The following TRIM63 variants were observed in gnomAD, a reference collection of about 807,000 sequenced individuals.
TRIM63 encodes E3 ubiquitin-protein ligase TRIM63.
In TRIM63, 48 loss-of-function variants were observed where a neutral mutation model predicts 46.0. The observed-to-expected ratio is 1.04, with a 90% CI of 0.83 to 1.33. The LOEUF (loss-of-function observed/expected upper bound fraction) is 1.33, where lower values mean the gene tolerates loss of function less well. Ranked by LOEUF, TRIM63 falls within the 40% of genes most tolerant of loss-of-function variation. The pLI, the probability that TRIM63 is intolerant of heterozygous loss-of-function variation, is 0.00. For missense variants in TRIM63, 455 were observed against 441.2 expected (o/e 1.03, Z -0.28); for synonymous variants, 175 against 162.8 (o/e 1.08, Z -0.57).
rs2050690250 is a variant in TRIM63, at chr1:26,067,587, C to T, written c.-93G>A. 2.8e-6 allele frequency: 4 copies of T among 1,425,498 alleles called. No individual in the cohort carries two copies. The highest frequency in any genetic ancestry group is 1.3e-5 in the South Asian group (1 of 74,770). The allele number at this position is 1,425,498 out of a possible 1,614,324, so 88.3% of individuals were successfully genotyped here. On this transcript the variant is annotated 5_prime_UTR_variant, in exon 1 of 9. Coordinates refer to ENST00000374272, the MANE Select transcript of TRIM63 (RefSeq NM_032588.4). The stretch of plus-strand genomic sequence containing the variant: ...GGGTCTTGCCTTTGTCACAAAACAC[C>T]GGGTCGGATCCTGTTGGCTTCCTTC...
Position 26,066,349 on chromosome 1 carries a change from A to T in TRIM63, c.251T>A (p.Met84Lys), listed in dbSNP as rs1459819996. The T allele has an allele frequency of 6.2e-7, 1 of 1,614,072 alleles. No homozygotes were observed. Among genetic ancestry groups the T allele is most frequent in the Non-Finnish European group, 8.5e-7 (1 of 1,179,950 alleles). Residue 84 changes from methionine to lysine, a missense_variant, in exon 2 of 9, where the codon ATG becomes AAG. Coordinates refer to ENST00000374272, the MANE Select transcript of TRIM63 (RefSeq NM_032588.4). ...CAGGCCGTACACTCCGTGACGATCCATGATCACCTCGTGGCGGCAGGTGGG... is the reference window on the plus strand; with the variant it reads ...CAGGCCGTACACTCCGTGACGATCCTTGATCACCTCGTGGCGGCAGGTGGG... ...RCPTCRHEVIMDRHGVYGLQR... is the reference protein window; with the variant it reads ...RCPTCRHEVIKDRHGVYGLQR...
At chr1:26,065,590 A>G (rs945421062) in intron 2 of TRIM63, among the ~76,000 whole-genome samples, 2 of 152,138 alleles carry the variant, frequency 1.3e-5, no homozygotes, top group Non-Finnish European at 2.9e-5. Context: ...TATGGGCATG[A>G]GCCACCATGC....
chr1:26,054,073 C>T (rs1477154280), intron 7 of TRIM63, 109 bp from the exon 8 acceptor site: 5 of 711,182 alleles, frequency 7.0e-6, no homozygotes, highest in East Asian at 6.0e-5. Context: ...TGTGCCCAGT[C>T]GGGTCAAACG....
intron 2 of TRIM63, among the ~76,000 whole-genome samples, chr1:26,064,978 T>C (rs2050663457): frequency 6.6e-6 from 1 of 152,190 alleles, no homozygotes; most frequent in Middle Eastern, 3.2e-3. Context: ...AGATCTTTCC[T>C]GGAGCTGTGT....
intron 5 of TRIM63, among the ~76,000 whole-genome samples, 158 bp from the exon 6 acceptor site, chr1:26,057,808 C>A (rs1014101521): frequency 1.3e-5 from 2 of 152,176 alleles, no homozygotes; most frequent in East Asian, 3.9e-4. Context: ...GAATCTGGAA[C>A]TTTTCCCTCT....
At chr1:26,064,077 C>A (rs1012422615) in intron 2 of TRIM63, among the ~76,000 whole-genome samples, 8 of 152,214 alleles carry the variant, frequency 5.3e-5, no homozygotes, top group African/African-American at 1.9e-4. Context: ...GGGCGCATTA[C>A]CTGAGGTCAG....
At chr1:26,057,370 GC>G (rs752188643) in intron 6 of TRIM63, 43 bp from the exon 7 acceptor site, 3 of 1,609,814 alleles carry the variant, frequency 1.9e-6, no homozygotes, top group Non-Finnish European at 2.5e-6. Flanking sequence ...GGTCTCTGGG[GC>G]TCAGTGCAGG....
intron 2 of TRIM63, among the ~76,000 whole-genome samples, chr1:26,061,761 G>T (rs937064998): frequency 1.3e-5 from 2 of 152,218 alleles, no homozygotes; most frequent in African/African-American, 4.8e-5. Flanking sequence ...CTAGAGTTCA[G>T]TTGCTCTAAT....
chr1:26,058,741 C>T, intron 4 of TRIM63, 118 bp from the exon 5 acceptor site: 1 of 756,638 alleles, frequency 1.3e-6, no homozygotes, highest in South Asian at 1.7e-5. Context: ...CTACATACAT[C>T]CCCACACTAC....
At chr1:26,067,192 A>T in intron 1 of TRIM63, 144 bp downstream of exon 1, 4 of 1,017,762 alleles carry the variant, frequency 3.9e-6, no homozygotes, top group Non-Finnish European at 4.2e-6. Flanking sequence ...GCCCCCTCTC[A>T]GCCCTGTCCA....
At chr1:26,057,413 G>A (rs2050583204) in intron 6 of TRIM63, 86 bp from the exon 7 acceptor site, 3 of 1,545,168 alleles carry the variant, frequency 1.9e-6, no homozygotes, top group Non-Finnish European at 1.8e-6. Flanking sequence ...CCACGCCCAG[G>A]CCTTCTACCC....
chr1:26,057,412 G>A lies in TRIM63; in HGVS notation c.855-85C>T. The A allele has an allele frequency of 1.9e-6, 3 of 1,548,338 alleles. No individual in the cohort carries two copies. The South Asian group carries it at 3.6e-5, about 19-fold the overall frequency. ...GAGGGCACATGCTTTGCCACGCCCA[G>A]GCCTTCTACCCAGAGGCTCCCCTGG... On this transcript the variant is annotated intron_variant, in intron 6 of 8. Transcript: ENST00000374272.
chr1:26,055,480 G>A (rs942798836), intron 7 of TRIM63, among the ~76,000 whole-genome samples: 4 of 151,450 alleles, frequency 2.6e-5, no homozygotes, highest in African/African-American at 4.9e-5. Flanking sequence ...TGTTCACACC[G>A]TATGACCCAC....
intron 6 of TRIM63, 121 bp downstream of exon 6, chr1:26,057,507 C>G (rs1437216524): frequency 7.1e-7 from 1 of 1,407,788 alleles, no homozygotes; most frequent in Non-Finnish European, 9.6e-7. Flanking sequence ...TGCAAAGGGT[C>G]AGGGAAGCCA....
At position 26,058,379 on chromosome 1, in the gene TRIM63, G is replaced by T; in HGVS notation, c.831+11C>A. On this transcript the variant is annotated intron_variant, in intron 5 of 8. Coordinates refer to ENST00000374272, the MANE Select transcript of TRIM63 (RefSeq NM_032588.4). ...AACTGACCCCACCCAGACCCTTCTA[G>T]TCCTGCTCACCAAGAGGAAGGTGGC... 5 of 1,612,252 alleles carry T rather than the reference G, an allele frequency of 3.1e-6. No homozygotes were observed. Among genetic ancestry groups the T allele is most frequent in the Non-Finnish European group, 4.2e-6 (5 of 1,178,666 alleles).
Position 26,058,464 on chromosome 1 carries a change from G to C in TRIM63, c.757C>G (p.Leu253Val), listed in dbSNP as rs1445670499. Residue 253 changes from leucine (L) to valine (V), a missense_variant, in exon 5 of 9, where the codon CTG becomes GTG. Transcript: ENST00000374272. ...TCCACCAGCTTTGTGGACTTGTCCA[G>C]CTGCTCCTGGTACTGCTGGATGAGG... is the stretch of plus-strand genomic sequence containing the variant. ...EALIQQYQEQLDKSTKLVETA... is the reference protein window; with the variant it reads ...EALIQQYQEQVDKSTKLVETA... 6.2e-7 allele frequency: 1 copy of C among 1,614,206 alleles called. No individual in the cohort carries two copies. The highest frequency in any genetic ancestry group is 2.2e-5 in the East Asian group (1 of 44,884).
In TRIM63 at chr1:26,057,194, C is replaced by A. The variant is rs1210716946; in HGVS notation, c.979+9G>T. ...GCAAATAGACAAGTGGCATCACCAC[C>A]TCCTTTACCTGTCCCAAAGTCAATG... On this transcript the variant is annotated intron_variant, in intron 7 of 8. Transcript: ENST00000374272. 6.2e-7 allele frequency: 1 copy of A among 1,613,840 alleles called. No homozygotes were observed. Among genetic ancestry groups the A allele is most frequent in the African/African-American group, 1.3e-5 (1 of 74,928 alleles).
intron 2 of TRIM63, among the ~76,000 whole-genome samples, chr1:26,065,451 G>A (rs934708903): frequency 1.3e-5 from 2 of 152,188 alleles, no homozygotes; most frequent in African/African-American, 4.8e-5. Context: ...TGGGACTACA[G>A]GCATGCCCCA....
At chr1:26,060,705 G>A (rs535373536) in intron 3 of TRIM63, among the ~76,000 whole-genome samples, 5 of 152,244 alleles carry the variant, frequency 3.3e-5, no homozygotes, top group Non-Finnish European at 7.3e-5. Flanking sequence ...GAAGAGTGGG[G>A]AGTAGGGAAG....
Sources: gnomAD v4.1 joint callset for allele counts (sites outside exome capture counted in the v4.1 genomes callset) on GRCh38, gnomAD v4.1.1 for gene constraint, MANE v1.5 for transcripts, NCBI Gene and HGNC (gene_info 2026-07-23, HGNC 2026-07-21) for gene names.